PCDHGA9: variants seen among roughly 807,000 people sequenced by gnomAD.
PCDHGA9 encodes the protein protocadherin gamma subfamily A, 9.
A neutral mutation model predicts 62.5 loss-of-function variants in PCDHGA9; 37 were observed. The observed-to-expected ratio is 0.59, with a 90% CI of 0.46 to 0.78. The LOEUF is 0.78. Among genes scored for constraint, PCDHGA9 ranks in the 30% least tolerant of loss-of-function variants. PCDHGA9 has a pLI of 0.00. For synonymous variants in PCDHGA9, 459 were observed against 484.6 expected (o/e 0.95, Z 0.69); for missense variants, 1,138 against 1,166.2 (o/e 0.98, Z 0.35).
At position 141,491,049 on chromosome 5, in the gene PCDHGA9, G is replaced by C; in HGVS notation, c.2425-3758G>C. The C allele has an allele frequency of 1.2e-6, 2 of 1,614,116 alleles. No homozygotes were observed. Among genetic ancestry groups the C allele is most frequent in the Admixed American group, 3.3e-5 (2 of 60,024 alleles). On this transcript the variant is annotated intron_variant, in intron 1 of 3. Transcript: ENST00000573521. This position sits in a 1 kb window ranked among gnomAD's most constrained non-coding sequence, Gnocchi z 6.9. ...TGGATGCTGATGCAGGCCACAATGC[G>C]TGGCTCTCCTACTCACTGTTGCCAC...
intron 1 of PCDHGA9, chr5:141,410,489 G>T (rs1233643247): frequency 1.9e-6 from 3 of 1,613,854 alleles, no homozygotes; most frequent in Non-Finnish European, 1.7e-6. Context: ...GGGTACAAAA[G>T]AGTTTAATTT....
Position 141,491,454 on chromosome 5 carries a change from C to T in PCDHGA9, c.2425-3353C>T. The T allele has an allele frequency of 1.9e-6, 3 of 1,614,120 alleles. No individual in the cohort carries two copies. The highest frequency in any genetic ancestry group is 2.5e-6 in the Non-Finnish European group (3 of 1,180,032). On this transcript the variant is annotated intron_variant, in intron 1 of 3. Coordinates refer to ENST00000573521, the MANE Select transcript of PCDHGA9 (RefSeq NM_018921.3). This position sits in a 1 kb window ranked among gnomAD's most constrained non-coding sequence, Gnocchi z 6.9. ...GCTGCAGGCGCCAGGACTCACCCTCCCCGGACTTCTATAAGCAGTCCAGCC... is the reference window on the plus strand; with the variant it reads ...GCTGCAGGCGCCAGGACTCACCCTCTCCGGACTTCTATAAGCAGTCCAGCC...
At chr5:141,426,850 C>T in intron 1 of PCDHGA9, 1 of 456,734 alleles carries the variant, frequency 2.2e-6, no homozygotes. Context: ...GGCAAGAACG[C>T]TCCAGAATTA....
intron 1 of PCDHGA9, among the ~76,000 whole-genome samples, chr5:141,430,347 A>C (rs2097274758): frequency 6.6e-6 from 1 of 151,944 alleles, no homozygotes; most frequent in Non-Finnish European, 1.5e-5. Flanking sequence ...CTTCCAATTC[A>C]TTTAAAAGCT....
At chr5:141,461,981 G>A (rs755173695) in intron 1 of PCDHGA9, among the ~76,000 whole-genome samples, 4 of 152,078 alleles carry the variant, frequency 2.6e-5, no homozygotes, top group Non-Finnish European at 5.9e-5. Context: ...ATGCCACCAC[G>A]CCAGGCTAAT....
chr5:141,460,470 A>T (rs2098990057), intron 1 of PCDHGA9, among the ~76,000 whole-genome samples: 1 of 152,110 alleles, frequency 6.6e-6, no homozygotes, highest in South Asian at 2.1e-4. Flanking sequence ...TTTCCAAAGG[A>T]ATATCCAATT....
At chr5:141,409,632 C>G (rs1279542488) in intron 1 of PCDHGA9, 1 of 1,613,848 alleles carries the variant, frequency 6.2e-7, no homozygotes, top group East Asian at 2.2e-5. Context: ...GTGAGCGCCT[C>G]TGACCCGGAT....
rs1032445242 is a variant in PCDHGA9 at position 141,487,571 on chromosome 5, G to C, written c.2425-7236G>C. The C allele has an allele frequency of 6.2e-7, 1 of 1,614,060 alleles. No homozygotes were observed. The highest frequency in any genetic ancestry group is 8.5e-7 in the Non-Finnish European group (1 of 1,180,046). ...CAGTGCACCTATGGCAGGGGAGCCTGTTCGCCCAAGCTGCCCACCCTCTGA... is the reference window on the plus strand; with the variant it reads ...CAGTGCACCTATGGCAGGGGAGCCTCTTCGCCCAAGCTGCCCACCCTCTGA... On this transcript the variant is annotated intron_variant, in intron 1 of 3. Transcript: ENST00000573521. This position sits in a 1 kb window ranked among gnomAD's most constrained non-coding sequence, Gnocchi z 5.0.
At chr5:141,436,214 A>G (rs1242199916) in intron 1 of PCDHGA9, among the ~76,000 whole-genome samples, 5 of 152,160 alleles carry the variant, frequency 3.3e-5, no homozygotes, top group African/African-American at 7.2e-5. Context: ...AGGAAAACAA[A>G]TGACTTGGGA....
chr5:141,502,373 C>A (rs2099813965), intron 2 of PCDHGA9, among the ~76,000 whole-genome samples: 1 of 151,806 alleles, frequency 6.6e-6, no homozygotes, highest in African/African-American at 2.4e-5. Context: ...TTAAAGAGTC[C>A]AGGCCAGTTG....
intron 1 of PCDHGA9, chr5:141,428,502 G>T: frequency 7.1e-6 from 2 of 282,686 alleles, no homozygotes; most frequent in Non-Finnish European, 6.9e-6. Flanking sequence ...ATGTTCCCTC[G>T]GATTCTAGAA....
intron 1 of PCDHGA9, among the ~76,000 whole-genome samples, chr5:141,459,721 T>C (rs2098973915): frequency 6.6e-6 from 1 of 152,246 alleles, no homozygotes. Context: ...CAATGCTTCC[T>C]ATTGTCAATT....
chr5:141,501,327 AC>A (rs1208116606), intron 2 of PCDHGA9, among the ~76,000 whole-genome samples: 2 of 151,364 alleles, frequency 1.3e-5, no homozygotes, highest in Non-Finnish European at 2.9e-5. Context: ...ACACACACAC[AC>A]ACACACCCCA....
intron 1 of PCDHGA9, chr5:141,428,270 C>T (rs1353416356): frequency 1.3e-6 from 1 of 778,952 alleles, no homozygotes. Flanking sequence ...AGTCCTGTGC[C>T]CTCTGATTCC....
chr5:141,480,145 C>A (rs1331658762), intron 1 of PCDHGA9, among the ~76,000 whole-genome samples: 1 of 151,968 alleles, frequency 6.6e-6, no homozygotes, highest in Non-Finnish European at 1.5e-5. Context: ...CAATTATTAG[C>A]CAGCTCCTAG....
rs781591902 is a variant in PCDHGA9, at chr5:141,477,086, G to A, written c.2425-17721G>A. The A allele has an allele frequency of 1.1e-5, 18 of 1,614,128 alleles. No individual in the cohort carries two copies. In the East Asian group the frequency reaches 3.8e-4, roughly 34 times the overall value. The stretch of plus-strand genomic sequence containing the variant: ...CAAACTCCATGAGATTTACATCCAG[G>A]CCAAAGACAAGGGCGCCAATCCCGA... On this transcript the variant is annotated intron_variant, in intron 1 of 3. Coordinates refer to ENST00000573521, the MANE Select transcript of PCDHGA9 (RefSeq NM_018921.3). The surrounding 1 kb of genome is among the most constrained non-coding windows in gnomAD (Gnocchi z 4.9).
chr5:141,423,082 G>T (rs1390567548), intron 1 of PCDHGA9: 3 of 1,614,078 alleles, frequency 1.9e-6, no homozygotes, highest in Non-Finnish European at 2.5e-6. Context: ...GGGACTCTTC[G>T]CGGTGGGGGA....
intron 1 of PCDHGA9, among the ~76,000 whole-genome samples, chr5:141,454,796 ATTTTTTTTTTTTT>A (rs61612330): frequency 7.8e-5 from 6 of 77,408 alleles, no homozygotes; most frequent in African/African-American, 1.2e-4. Flanking sequence ...CATGGTTCTA[ATTTTTTTTTTTTT>A]TTTTTTTTTT....
At chr5:141,471,309 C>T (rs140651182) in intron 1 of PCDHGA9, 8,212 of 152,202 alleles carry the variant, frequency 0.054, 462 homozygotes, top group African/African-American at 0.15. Flanking sequence ...ACTCGGCCTC[C>T]CAAAGTGCTG....
Sources: allele counts gnomAD v4.1 joint callset (sites outside exome capture counted in the v4.1 genomes callset), GRCh38; gene constraint gnomAD v4.1.1; non-coding constraint Gnocchi (gnomAD v3.1); transcripts MANE v1.5; gene names NCBI Gene and HGNC (gene_info 2026-07-23, HGNC 2026-07-21).